The following CDH23 variants were observed in gnomAD, a reference collection of about 807,000 sequenced individuals.
CDH23 encodes cadherin related 23.
CDH23 carries 189 observed loss-of-function variants against 317.1 expected under a neutral mutation model. The observed-to-expected ratio is 0.60, with a 90% confidence interval of 0.53 to 0.67. The LOEUF (loss-of-function observed/expected upper bound fraction) is 0.67, where lower values mean the gene tolerates loss of function less well. CDH23 is among the 30% of genes least tolerant of loss of function. The pLI is 0.00. For synonymous variants in CDH23, 1,839 were observed against 1,876.8 expected (o/e 0.98, Z 0.52); for missense variants, 4,401 against 4,592.4 (o/e 0.96, Z 1.20).
rs763721044 is a variant in CDH23 at position 71,805,836 on chromosome 10, G to T, written c.7903G>T (p.Val2635Phe). The T allele has an allele frequency of 6.8e-6, 11 of 1,613,662 alleles. No individual in the cohort carries two copies. In the Admixed American group the frequency reaches 1.5e-4, roughly 22 times the overall value. Residue 2635 changes from valine to phenylalanine, a missense_variant, in exon 56 of 70, where the codon GTC (valine) becomes TTC (phenylalanine). Around this residue, in one of 3 missense-constraint regions of CDH23, gnomAD observed 1,144 missense variants for 1,138.2 expected, o/e 1.01. Transcript: ENST00000224721. Reference protein sequence around the residue: ...EIPLRSNVYEVYATDKDEGLN... With the variant: ...EIPLRSNVYEFYATDKDEGLN... Reference sequence around the variant, plus strand: ...CCCGCTGCGCTCCAACGTGTACGAGGTCTACGCCACGGACAAGGATGAGGG... The same window carrying T: ...CCCGCTGCGCTCCAACGTGTACGAGTTCTACGCCACGGACAAGGATGAGGG...
At chr10:71,455,891 C>T (rs967902599) in intron 3 of CDH23, among the ~76,000 whole-genome samples, 3 of 152,120 alleles carry the variant, frequency 2.0e-5, no homozygotes, top group African/African-American at 7.2e-5. Context: ...GAGAATGGGG[C>T]GATTGCCCAG....
intron 38 of CDH23, among the ~76,000 whole-genome samples, chr10:71,744,857 A>G (rs1249275463): frequency 6.6e-6 from 1 of 152,230 alleles, no homozygotes; most frequent in East Asian, 1.9e-4. Flanking sequence ...ACCGTAATAT[A>G]AACAGCAACA....
In CDH23 at chr10:71,801,224, G is replaced by A. The variant is rs188334632; in HGVS notation, c.7482+469G>A. 3.9e-4 allele frequency among the ~76,000 whole-genome samples: 53 copies of A among 136,348 alleles called. No homozygotes were observed. The South Asian group carries it at 8.9e-3, about 23-fold the overall frequency. The allele number at this position is 136,348 out of a possible 152,430, so 89.4% of individuals were successfully genotyped here. On this transcript the variant is annotated intron_variant, in intron 53 of 69. Transcript: ENST00000224721. ...AGGCTGGAGTGCAATGGCGTGATCCGGCTCACCACAACCTCCACCTCCCAG... is the reference window on the plus strand; with the variant it reads ...AGGCTGGAGTGCAATGGCGTGATCCAGCTCACCACAACCTCCACCTCCCAG...
intron 42 of CDH23, 81 bp from the exon 43 acceptor site, chr10:71,784,810 T>C: frequency 8.7e-7 from 1 of 1,148,654 alleles, no homozygotes; most frequent in Admixed American, 1.8e-5. Context: ...CATGCCGCCC[T>C]TGGCGAACCT....
chr10:71,433,917 C>G (rs902374016), intron 1 of CDH23, among the ~76,000 whole-genome samples: 1 of 151,592 alleles, frequency 6.6e-6, no homozygotes, highest in Admixed American at 6.6e-5. Context: ...TACAGTGTGT[C>G]CTCATCACAG....
chr10:71,773,265 A>G, intron 38 of CDH23: 1 of 1,372,826 alleles, frequency 7.3e-7, no homozygotes, highest in Non-Finnish European at 1.0e-6. Context: ...ACAGGCTGAG[A>G]GGGCCCCCAG....
intron 59 of CDH23, 34 bp from the exon 60 acceptor site, chr10:71,807,812 C>T (rs763656260): frequency 1.3e-6 from 2 of 1,589,666 alleles, no homozygotes; most frequent in East Asian, 2.3e-5. Context: ...GTGGCCCCTG[C>T]CCTGCCACTT....
At chr10:71,650,399 C>T (rs1376063485) in intron 14 of CDH23, among the ~76,000 whole-genome samples, 6 of 152,188 alleles carry the variant, frequency 3.9e-5, no homozygotes, top group East Asian at 3.9e-4. Context: ...GAAGGATGTG[C>T]GGGGGTGCAT....
intron 1 of CDH23, among the ~76,000 whole-genome samples, chr10:71,435,167 G>A (rs901313255): frequency 3.9e-5 from 6 of 152,312 alleles, no homozygotes; most frequent in Admixed American, 1.3e-4. Flanking sequence ...CTTATTAGCT[G>A]TGTGACCTTG....
At chr10:71,611,701 G>A (rs1027635046) in intron 9 of CDH23, among the ~76,000 whole-genome samples, 10 of 152,198 alleles carry the variant, frequency 6.6e-5, no homozygotes, top group African/African-American at 2.2e-4. Context: ...AACCCGTGCT[G>A]TCTGCCTCCA....
At chr10:71,755,931 C>T (rs1840131482) in intron 38 of CDH23, among the ~76,000 whole-genome samples, 1 of 152,192 alleles carries the variant, frequency 6.6e-6, no homozygotes, top group Non-Finnish European at 1.5e-5. Context: ...TGCCACCAAA[C>T]TGTAGGCTTA....
intron 3 of CDH23, among the ~76,000 whole-genome samples, chr10:71,478,318 T>G (rs1655973358): frequency 6.6e-6 from 1 of 152,170 alleles, no homozygotes; most frequent in African/African-American, 2.4e-5. Context: ...TGCCTGGAGA[T>G]TCACAGTTCT....
intron 6 of CDH23, among the ~76,000 whole-genome samples, chr10:71,555,635 T>A (rs1377675617): frequency 6.6e-6 from 1 of 152,150 alleles, no homozygotes. Flanking sequence ...TGATGGCAGG[T>A]GGCACTGGGG....
intron 24 of CDH23, 138 bp downstream of exon 24, chr10:71,702,832 G>A: frequency 1.1e-6 from 1 of 948,076 alleles, no homozygotes; most frequent in Non-Finnish European, 1.6e-6. Flanking sequence ...CTGGAGATGT[G>A]GAGGGAAGTG....
chr10:71,397,338 G>A lies in CDH23; in HGVS notation c.-6+20G>A, dbSNP rs376802928. On this transcript the variant is annotated intron_variant, in intron 1 of 69. Transcript: ENST00000224721. This position sits in a 1 kb window ranked among gnomAD's most constrained non-coding sequence, Gnocchi z 4.8. ...CACACGGTACCCGGAGCCACGCACC[G>A]CCTCTTCCCTCCTCGCTTCCCTCTC... 1.6e-4 allele frequency: 25 copies of A among 152,930 alleles called. No individual in the cohort carries two copies. In the East Asian group the frequency reaches 4.8e-3, roughly 29 times the overall value. 9.5% of individuals were successfully genotyped at this position (152,930 alleles called of 1,614,324 possible). A position where few individuals can be genotyped will look rare whatever the true frequency, so the allele number is the denominator to read the frequency against.
In CDH23 at chr10:71,773,851, TTGAG is replaced by T. The variant is rs571513111; in HGVS notation, c.4846-3825_4846-3822del. 4.6e-5 allele frequency among the ~76,000 whole-genome samples: 7 copies of T among 152,244 alleles called. No individual in the cohort carries two copies. In the East Asian group the frequency reaches 1.3e-3, roughly 29 times the overall value. ...TGCATCTGCCCTCAGCCACCAGCCTTTGAGTGATCTGGGGACAGAGACTTGTACC... is the reference window on the plus strand; with the variant it reads ...TGCATCTGCCCTCAGCCACCAGCCTTTGATCTGGGGACAGAGACTTGTACC... On this transcript the variant is annotated intron_variant, in intron 38 of 69. Transcript: ENST00000224721.
At position 71,812,018 on chromosome 10, in the gene CDH23, G is replaced by T. The variant is rs1289786818; in HGVS notation, c.9380+3G>T. ...ACCAACAAGTACTCCTTTGATGGGTGAGTGGGGTACTGGCCCTGCCCGGTC... is the reference window on the plus strand; with the variant it reads ...ACCAACAAGTACTCCTTTGATGGGTTAGTGGGGTACTGGCCCTGCCCGGTC... On this transcript the variant is annotated splice_donor_region_variant and intron_variant, in intron 66 of 69. Coordinates refer to ENST00000224721, the MANE Select transcript of CDH23 (RefSeq NM_022124.6). The T allele has an allele frequency of 2.5e-6, 4 of 1,613,876 alleles. No homozygotes were observed. The highest frequency in any genetic ancestry group is 3.4e-6 in the Non-Finnish European group (4 of 1,179,884).
intron 41 of CDH23, among the ~76,000 whole-genome samples, chr10:71,781,191 G>A (rs1840944119): frequency 6.6e-6 from 1 of 152,186 alleles, no homozygotes; most frequent in African/African-American, 2.4e-5. Context: ...GTGAACCCAA[G>A]CCTCGCTTGC....
Position 71,554,261 on chromosome 10 carries a change from A to G in CDH23, c.430-12481A>G, listed in dbSNP as rs187330464. 3.0e-3 allele frequency among the ~76,000 whole-genome samples: 450 copies of G among 152,240 alleles called. 2 individuals carry two copies. Among genetic ancestry groups the G allele is most frequent in the Admixed American group, 3.7e-3 (56 of 15,288 alleles). On this transcript the variant is annotated intron_variant, in intron 6 of 69. Transcript: ENST00000224721. ...GGCCCCAGCTGGAGTGCAGCAGTGC[A>G]GTCACAGCTCACTGCAGCCTCAATG...
Sources: gnomAD v4.1 joint callset for allele counts (sites outside exome capture counted in the v4.1 genomes callset) on GRCh38, gnomAD v4.1.1 for gene constraint, gnomAD v4.1.1 regional missense constraint, Gnocchi (gnomAD v3.1) non-coding constraint, MANE v1.5 for transcripts, NCBI Gene and HGNC (gene_info 2026-07-23, HGNC 2026-07-21) for gene names.